TNRC6A: variants seen among roughly 807,000 people sequenced by gnomAD.
The protein encoded by TNRC6A is trinucleotide repeat containing adaptor 6A.
A neutral mutation model predicts 221.2 loss-of-function variants in TNRC6A; 44 were observed. That is an observed-to-expected ratio of 0.20 (90% CI 0.16 to 0.26). The LOEUF is 0.26. TNRC6A is among the 10% of genes least tolerant of loss of function. The pLI is 1.00. For synonymous variants in TNRC6A, 847 were observed against 838.5 expected, an observed-to-expected ratio of 1.01 and a Z score of -0.18; for missense variants, 2,199 against 2,404.4, an observed-to-expected ratio of 0.91 and a Z score of 1.79.
chr16:24,644,735 G>A (rs886183521), intron 2 of TNRC6A, among the ~76,000 whole-genome samples: 9 of 151,874 alleles, frequency 5.9e-5, no homozygotes, highest in African/African-American at 2.2e-4. Context: ...TTACAGGCAT[G>A]AGCCACCACA....
At chr16:24,817,707 T>C (rs895478041) in intron 20 of TNRC6A, among the ~76,000 whole-genome samples, 9 of 152,196 alleles carry the variant, frequency 5.9e-5, no homozygotes, top group Non-Finnish European at 1.0e-4. Context: ...TCTATACCTT[T>C]AAACAGTTTA....
At chr16:24,687,887 C>A (rs1467183862) in intron 2 of TNRC6A, among the ~76,000 whole-genome samples, 3 of 38,118 alleles carry the variant, frequency 7.9e-5, no homozygotes, top group Admixed American at 2.5e-4. Flanking sequence ...GAAGAAGCAG[C>A]TTATTCCAAC....
intron 23 of TNRC6A, 139 bp from the exon 24 acceptor site, chr16:24,822,728 AGAGCAAC>A: frequency 8.6e-7 from 1 of 1,161,200 alleles, no homozygotes; most frequent in African/African-American, 1.5e-5. Flanking sequence ...GCACCCCGTC[AGAGCAAC>A]GTCAGAGTGT....
At chr16:24,641,687 A>G (rs1235540131) in intron 2 of TNRC6A, among the ~76,000 whole-genome samples, 2 of 152,230 alleles carry the variant, frequency 1.3e-5, no homozygotes, top group Non-Finnish European at 2.9e-5. Flanking sequence ...GATATACCCT[A>G]TGAATTATTT....
intron 1 of TNRC6A, among the ~76,000 whole-genome samples, chr16:24,626,599 T>C (rs1901005555): frequency 6.6e-6 from 1 of 151,948 alleles, no homozygotes; most frequent in South Asian, 2.1e-4. Context: ...ATATACACAT[T>C]CACATTTATG....
intron 2 of TNRC6A, among the ~76,000 whole-genome samples, chr16:24,665,625 G>A (rs2141953415): frequency 6.6e-6 from 1 of 152,278 alleles, no homozygotes; most frequent in African/African-American, 2.4e-5. Flanking sequence ...CTGAGAGGCT[G>A]TTTGGTAGAT....
At chr16:24,696,708 A>G (rs2055868332) in intron 2 of TNRC6A, among the ~76,000 whole-genome samples, 1 of 136,970 alleles carries the variant, frequency 7.3e-6, no homozygotes, top group Non-Finnish European at 1.5e-5. Context: ...CAGCCTGGGC[A>G]ACAGAGCGAG....
At chr16:24,633,893 T>C (rs1241403831) in intron 1 of TNRC6A, among the ~76,000 whole-genome samples, 1 of 151,918 alleles carries the variant, frequency 6.6e-6, no homozygotes, top group Non-Finnish European at 1.5e-5. Flanking sequence ...GGGATTCTCA[T>C]GTCAGCCTCC....
At chr16:24,668,966 G>T (rs749628904) in intron 2 of TNRC6A, among the ~76,000 whole-genome samples, 1 of 151,704 alleles carries the variant, frequency 6.6e-6, no homozygotes, top group Non-Finnish European at 1.5e-5. Flanking sequence ...AATTAGTCTC[G>T]TTGTTTTTAT....
rs1006611950 is a variant in TNRC6A at position 24,761,516 on chromosome 16, A to G, written c.163+3156A>G. ...CTTGGGAACTTGGTTGAGAATAAGA[A>G]AATTTTTTAAAAACAGTTTTACAAC... On this transcript the variant is annotated intron_variant, in intron 4 of 24. Transcript: ENST00000395799. Among the ~76,000 whole-genome samples, 3 of 152,056 alleles carry G rather than the reference A, an allele frequency of 2.0e-5. No homozygotes were observed. The East Asian group carries it at 5.8e-4, about 29-fold the overall frequency.
intron 1 of TNRC6A, among the ~76,000 whole-genome samples, chr16:24,629,054 C>T (rs909218636): frequency 2.6e-5 from 4 of 151,992 alleles, no homozygotes; most frequent in Non-Finnish European, 4.4e-5. Flanking sequence ...ATCTAAAAAC[C>T]TAGTTTTCCC....
At chr16:24,737,169 T>C (rs752127135) in intron 2 of TNRC6A, among the ~76,000 whole-genome samples, 1 of 152,068 alleles carries the variant, frequency 6.6e-6, no homozygotes, top group African/African-American at 2.4e-5. Flanking sequence ...AAAATAAAAA[T>C]AAAACCCCAC....
intron 2 of TNRC6A, among the ~76,000 whole-genome samples, chr16:24,668,109 C>A (rs1222522356): frequency 5.9e-5 from 9 of 152,066 alleles, no homozygotes; most frequent in Admixed American, 5.9e-4. Context: ...TGGAGTATCA[C>A]CTGAGGTCGG....
chr16:24,754,404 C>T (rs1339429691), intron 3 of TNRC6A, among the ~76,000 whole-genome samples: 1 of 152,014 alleles, frequency 6.6e-6, no homozygotes, highest in African/African-American at 2.4e-5. Context: ...AATATGGAGA[C>T]CGATGACTTT....
At chr16:24,620,578 C>T (rs965140261) in intron 1 of TNRC6A, among the ~76,000 whole-genome samples, 6 of 152,206 alleles carry the variant, frequency 3.9e-5, no homozygotes, top group South Asian at 2.1e-4. Context: ...GAGGCCGACG[C>T]GGGCAGATTA....
At chr16:24,717,551 T>C (rs1000265356) in intron 2 of TNRC6A, among the ~76,000 whole-genome samples, 13 of 152,174 alleles carry the variant, frequency 8.5e-5, no homozygotes, top group African/African-American at 3.1e-4. Flanking sequence ...GTGGTGGATC[T>C]GGCGGCAGGC....
In TNRC6A at chr16:24,790,980, G is replaced by GTATCAT. The variant is rs889858299; in HGVS notation, c.2343_2344insTTATCA (p.Ser781_Gly782insLeuSer). The GTATCAT allele has an allele frequency of 6.2e-7, 1 of 1,604,560 alleles. No homozygotes were observed. Among genetic ancestry groups the GTATCAT allele is most frequent in the African/African-American group, 1.3e-5 (1 of 74,740 alleles). The stretch of plus-strand genomic sequence containing the variant: ...CCCTAATGGTAATGATACCTCATCT[G>GTATCAT]TATCAGGGTGGGGCGATCCCAAACC... On this transcript the variant is annotated inframe_insertion, in exon 6 of 25. Transcript: ENST00000395799.
chr16:24,674,283 G>C (rs1053239971), intron 2 of TNRC6A, among the ~76,000 whole-genome samples: 2 of 151,966 alleles, frequency 1.3e-5, no homozygotes, highest in Non-Finnish European at 2.9e-5. Flanking sequence ...GCCCAGGCTG[G>C]TCTCAGTTAA....
chr16:24,692,947 C>T (rs1316569410), intron 2 of TNRC6A, among the ~76,000 whole-genome samples: 2 of 151,974 alleles, frequency 1.3e-5, no homozygotes, highest in East Asian at 1.9e-4. Context: ...CAGAGGTCTC[C>T]GATTTGAGCC....
Sources: gnomAD v4.1 joint callset for allele counts (sites outside exome capture counted in the v4.1 genomes callset) on GRCh38, gnomAD v4.1.1 for gene constraint, MANE v1.5 for transcripts, NCBI Gene and HGNC (gene_info 2026-07-23, HGNC 2026-07-21) for gene names.